The following CLIC6 variants were observed in gnomAD, a reference collection of about 807,000 sequenced individuals.
The protein encoded by CLIC6 is chloride intracellular channel protein 6.
In CLIC6, 39 loss-of-function variants were observed where a neutral mutation model predicts 49.2. The ratio of observed to expected loss-of-function variants is 0.79; its 90% confidence interval spans 0.61 to 1.04. The LOEUF (loss-of-function observed/expected upper bound fraction) is 1.04. Ranked by LOEUF, CLIC6 falls within the 50% of genes least tolerant of loss-of-function variation. CLIC6 has a pLI of 0.00. For synonymous variants in CLIC6, 446 were observed against 433.4 expected (o/e 1.03, Z -0.36); for missense variants, 988 against 993.1 (o/e 0.99, Z 0.07).
intron 1 of CLIC6, among the ~76,000 whole-genome samples, chr21:34,671,236 G>T (rs1275241645): frequency 6.6e-6 from 1 of 152,038 alleles, no homozygotes; most frequent in Non-Finnish European, 1.5e-5. Context: ...AACGCAGACA[G>T]GTAGGTTCAA....
chr21:34,706,022 T>C (rs1008533335), intron 1 of CLIC6: 2 of 680,616 alleles, frequency 2.9e-6, no homozygotes, highest in Non-Finnish European at 5.3e-6. Context: ...TTCTTTTGTA[T>C]TTAGGTAAAA....
At position 34,716,650 on chromosome 21, in the gene CLIC6, T is replaced by C. The variant is rs1000484348; in HGVS notation, c.*168T>C. 8.3e-6 allele frequency: 4 copies of C among 480,954 alleles called. No homozygotes were observed. The highest frequency in any genetic ancestry group is 1.1e-5 in the Non-Finnish European group (3 of 277,356). 29.8% of individuals were successfully genotyped at this position (480,954 alleles called of 1,614,324 possible). On this transcript the variant is annotated 3_prime_UTR_variant, in exon 6 of 6. Transcript: ENST00000349499. Reference sequence around the variant, plus strand: ...CTGTTTTTCTTCTCTAAAACATTAGTTTAATTTTCTTCAAAATGAAAATAC... The same window carrying C: ...CTGTTTTTCTTCTCTAAAACATTAGCTTAATTTTCTTCAAAATGAAAATAC...
At chr21:34,712,835 A>G (rs760842248) in intron 5 of CLIC6, among the ~76,000 whole-genome samples, 1 of 151,360 alleles carries the variant, frequency 6.6e-6, no homozygotes, top group South Asian at 2.1e-4. Flanking sequence ...TGTGAGCCTC[A>G]GAGTGGAGGA....
rs141311320 is a variant in CLIC6 at position 34,681,934 on chromosome 21, T to G, written c.1374+11172T>G. Among the ~76,000 whole-genome samples the G allele has an allele frequency of 7.9e-3, 1,205 of 152,276 alleles. 20 individuals carry two copies. Among genetic ancestry groups the G allele is most frequent in the African/African-American group, 0.027 (1,130 of 41,550 alleles). On this transcript the variant is annotated intron_variant, in intron 1 of 5. Transcript: ENST00000349499. ...CAAAAAATAGTACACTGGAAATACA[T>G]TGGTTTACATCTTGCTTTCTTCCCT...
chr21:34,670,468 G>T lies in CLIC6; in HGVS notation c.1080G>T (p.Gly360=). Residue 360 remains glycine (G), a synonymous_variant, in exon 1 of 6, where the codon GGG becomes GGT. Coordinates refer to ENST00000349499, the MANE Select transcript of CLIC6 (RefSeq NM_053277.3). ...CAGACGCTGGCGAGGACAGGGTAGG[G>T]GATGGGCCACAGCAGGAGCCGGGGG... is the stretch of plus-strand genomic sequence containing the variant. The part of the protein sequence containing the change: ...ARADAGEDRV[G]DGPQQEPGED... 6.7e-7 allele frequency: 1 copy of T among 1,490,830 alleles called. No individual in the cohort carries two copies. 92.4% of individuals were successfully genotyped at this position (1,490,830 alleles called of 1,614,324 possible). A position where few individuals can be genotyped will look rare whatever the true frequency, so the allele number is the denominator to read the frequency against.
At position 34,697,979 on chromosome 21, in the gene CLIC6, C is replaced by T. The variant is rs551596037; in HGVS notation, c.1375-9301C>T. Among the ~76,000 whole-genome samples, 7 of 150,754 alleles carry T rather than the reference C, an allele frequency of 4.6e-5. No individual in the cohort carries two copies. The East Asian group carries it at 9.8e-4, about 21-fold the overall frequency. ...TCATAGGCCTGTGAGGACAGGGTTT[C>T]GCTGTCTCTATAGGAGCTCACTGTG... On this transcript the variant is annotated intron_variant, in intron 1 of 5. Coordinates refer to ENST00000349499, the MANE Select transcript of CLIC6 (RefSeq NM_053277.3).
At chr21:34,711,361 A>T (rs1265894339) in intron 5 of CLIC6, among the ~76,000 whole-genome samples, 1 of 151,982 alleles carries the variant, frequency 6.6e-6, no homozygotes, top group African/African-American at 2.4e-5. Flanking sequence ...GAGAAACCCT[A>T]TCTCTACAAA....
intron 5 of CLIC6, among the ~76,000 whole-genome samples, chr21:34,715,657 C>A (rs1253898680): frequency 1.3e-5 from 2 of 152,230 alleles, no homozygotes; most frequent in Admixed American, 1.3e-4. Flanking sequence ...ACTAATTCCC[C>A]AACTGTACCC....
At chr21:34,672,888 G>A (rs141257634) in intron 1 of CLIC6, among the ~76,000 whole-genome samples, 1 of 152,288 alleles carries the variant, frequency 6.6e-6, no homozygotes, top group African/African-American at 2.4e-5. Context: ...ATTACACAAA[G>A]CACTTAGAAA....
chr21:34,677,044 GC>G (rs1216127069), intron 1 of CLIC6, among the ~76,000 whole-genome samples: 1 of 151,954 alleles, frequency 6.6e-6, no homozygotes, highest in Admixed American at 6.6e-5. Flanking sequence ...CTTTTTGTCA[GC>G]CCTTTTCTCC....
chr21:34,674,550 T>TTATTAATGTTATAAA (rs1287363523), intron 1 of CLIC6, among the ~76,000 whole-genome samples: 5 of 152,348 alleles, frequency 3.3e-5, no homozygotes, highest in Non-Finnish European at 5.9e-5. Context: ...ATGTTATTAA[T>TTATTAATGTTATAAA]TTGTCAGTTT....
chr21:34,681,618 GT>G (rs149975237), intron 1 of CLIC6, among the ~76,000 whole-genome samples: 4,972 of 152,080 alleles, frequency 0.033, 277 homozygotes, highest in African/African-American at 0.11. Context: ...GGTGCAGTTA[GT>G]TTTTTTTACC....
chr21:34,669,585 A>T lies in CLIC6; in HGVS notation c.197A>T (p.Asp66Val). ...AAGGAGGCAGGAGGCGGCGGGCCAG[A>T]CAGGGGCCCGGAGGCCGAGGCGCGG... ...AVKEAGGGGP[D>V]RGPEAEARGT... Residue 66 changes from aspartate to valine, a missense_variant, in exon 1 of 6, where the codon GAC becomes GTC. Coordinates refer to ENST00000349499, the MANE Select transcript of CLIC6 (RefSeq NM_053277.3). The T allele has an allele frequency of 7.9e-7, 1 of 1,265,148 alleles. No homozygotes were observed. The highest frequency in any genetic ancestry group is 3.0e-4 in the Middle Eastern group (1 of 3,320). The allele number at this position is 1,265,148 out of a possible 1,614,324, so 78.4% of individuals were successfully genotyped here.
At chr21:34,685,050 T>G (rs1989850596) in intron 1 of CLIC6, among the ~76,000 whole-genome samples, 1 of 152,164 alleles carries the variant, frequency 6.6e-6, no homozygotes, top group South Asian at 2.1e-4. Context: ...GGTACCTGGC[T>G]ACTGAGAGAG....
At chr21:34,709,190 G>A (rs1167895730) in intron 4 of CLIC6, among the ~76,000 whole-genome samples, 167 bp from the exon 5 acceptor site, 1 of 152,122 alleles carries the variant, frequency 6.6e-6, no homozygotes, top group Admixed American at 6.5e-5. Flanking sequence ...TTCCAGGGAG[G>A]AGTGAGCCCT....
At chr21:34,676,600 A>C (rs8131533) in intron 1 of CLIC6, among the ~76,000 whole-genome samples, 34,482 of 152,134 alleles carry the variant, frequency 0.23, 3,982 homozygotes, top group Non-Finnish European at 0.25. Flanking sequence ...CCAGTTAATG[A>C]TGGTATGAAG....
chr21:34,684,160 T>G (rs1989832681), intron 1 of CLIC6, among the ~76,000 whole-genome samples: 1 of 152,198 alleles, frequency 6.6e-6, no homozygotes, highest in African/African-American at 2.4e-5. Context: ...AAATATTTAT[T>G]GATTACCTGC....
chr21:34,697,667 G>A (rs1990111438), intron 1 of CLIC6, among the ~76,000 whole-genome samples: 1 of 152,228 alleles, frequency 6.6e-6, no homozygotes, highest in South Asian at 2.1e-4. Flanking sequence ...GGACTTAGGG[G>A]GAGATGGTGG....
In CLIC6 at chr21:34,682,801, A is replaced by ATTTTTTTTTTT. The variant is rs1172251761; in HGVS notation, c.1374+12057_1374+12067dup. On this transcript the variant is annotated intron_variant, in intron 1 of 5. Transcript: ENST00000349499. ...TTTCCAGTCCTACCCCTTTCCCTCC[A>ATTTTTTTTTTT]TTTTTTTTTTTTTTTTTTTTTTTTT... is the stretch of plus-strand genomic sequence containing the variant. Among the ~76,000 whole-genome samples, 3 of 69,300 alleles carry ATTTTTTTTTTT rather than the reference A, an allele frequency of 4.3e-5. 1 individual carries two copies. Among genetic ancestry groups the ATTTTTTTTTTT allele is most frequent in the African/African-American group, 2.0e-4 (3 of 15,376 alleles). 45.5% of individuals were successfully genotyped at this position (69,300 alleles called of 152,430 possible).
Sources: allele counts gnomAD v4.1 joint callset (sites outside exome capture counted in the v4.1 genomes callset), GRCh38; gene constraint gnomAD v4.1.1; transcripts MANE v1.5; gene names NCBI Gene and HGNC (gene_info 2026-07-23, HGNC 2026-07-21).